The following PPARGC1B variants were observed in gnomAD, a reference collection of about 807,000 sequenced individuals.
PPARGC1B encodes the protein peroxisome proliferator-activated receptor gamma coactivator 1-beta.
Under a neutral mutation model 101.6 loss-of-function variants are expected in PPARGC1B, and 34 were observed. The ratio of observed to expected loss-of-function variants is 0.33; its 90% CI spans 0.25 to 0.45. The LOEUF (loss-of-function observed/expected upper bound fraction) is 0.45. PPARGC1B is among the 20% of genes least tolerant of loss of function. The pLI is 1.00. For missense variants in PPARGC1B, 1,234 were observed against 1,317.6 expected (o/e 0.94, Z 0.98); for synonymous variants, 548 against 539.3 (o/e 1.02, Z -0.22).
intron 1 of PPARGC1B, among the ~76,000 whole-genome samples, chr5:149,783,576 G>A (rs1347694982): frequency 2.0e-5 from 3 of 152,138 alleles, no homozygotes; most frequent in Non-Finnish European, 2.9e-5. Context: ...AGAAGGAATG[G>A]AGAGAAACTC....
At chr5:149,763,056 A>G (rs1349201991) in intron 1 of PPARGC1B, among the ~76,000 whole-genome samples, 1 of 152,136 alleles carries the variant, frequency 6.6e-6, no homozygotes, top group Non-Finnish European at 1.5e-5. Flanking sequence ...AAGTATTAGC[A>G]TTACGGGCAT....
chr5:149,807,644 GCCACC>G (rs1757651021), intron 1 of PPARGC1B, among the ~76,000 whole-genome samples: 1 of 152,110 alleles, frequency 6.6e-6, no homozygotes, highest in Non-Finnish European at 1.5e-5. Context: ...AAAGCTGAAT[GCCACC>G]CCCCATCCTG....
chr5:149,760,789 C>T (rs769553924), intron 1 of PPARGC1B, among the ~76,000 whole-genome samples: 8 of 152,136 alleles, frequency 5.3e-5, no homozygotes, highest in Non-Finnish European at 1.0e-4. Flanking sequence ...GGAATTTGCC[C>T]CAAGGTATAG....
chr5:149,758,234 A>AC (rs1755606033), intron 1 of PPARGC1B, among the ~76,000 whole-genome samples: 1 of 152,298 alleles, frequency 6.6e-6, no homozygotes, highest in East Asian at 1.9e-4. Context: ...GGCAAGTCTC[A>AC]CCACTCCCTT....
chr5:149,794,794 A>T (rs137944906), intron 1 of PPARGC1B, among the ~76,000 whole-genome samples: 42 of 152,346 alleles, frequency 2.8e-4, no homozygotes, highest in African/African-American at 9.9e-4. Context: ...GCTGCCTCTC[A>T]GCCCGCTGCT....
intron 1 of PPARGC1B, among the ~76,000 whole-genome samples, chr5:149,809,010 T>C (rs1320725079): frequency 1.3e-5 from 2 of 152,118 alleles, no homozygotes; most frequent in Non-Finnish European, 2.9e-5. Flanking sequence ...GCATGGTGGC[T>C]CATGCCTATA....
intron 1 of PPARGC1B, among the ~76,000 whole-genome samples, chr5:149,735,481 G>C (rs1310049312): frequency 6.6e-6 from 1 of 152,240 alleles, no homozygotes; most frequent in African/African-American, 2.4e-5. Context: ...GAATATTGCA[G>C]TGTTGATCCT....
intron 1 of PPARGC1B, among the ~76,000 whole-genome samples, chr5:149,734,345 A>T (rs995579463): frequency 1.4e-5 from 2 of 142,096 alleles, no homozygotes; most frequent in Non-Finnish European, 3.1e-5. Flanking sequence ...AAAAAAAAAA[A>T]GGAGTTATCC....
intron 3 of PPARGC1B, 30 bp from the exon 4 acceptor site, chr5:149,830,726 TGGCTCAGCCCC>T: frequency 6.8e-7 from 1 of 1,469,648 alleles, no homozygotes; most frequent in Non-Finnish European, 9.5e-7. Context: ...CCTCTGGCTG[TGGCTCAGCCCC>T]GGCTCCTGTC....
intron 1 of PPARGC1B, among the ~76,000 whole-genome samples, chr5:149,772,680 G>T (rs1460422178): frequency 6.6e-6 from 1 of 152,154 alleles, no homozygotes; most frequent in Non-Finnish European, 1.5e-5. Flanking sequence ...AGGGCCTATT[G>T]TCGTGACCTA....
Position 149,832,988 on chromosome 5 carries a change from C to T in PPARGC1B, c.915C>T (p.Pro305=), listed in dbSNP as rs750530995. The T allele has an allele frequency of 3.1e-6, 5 of 1,613,438 alleles. No homozygotes were observed. The highest frequency in any genetic ancestry group is 1.1e-5 in the South Asian group (1 of 91,082). Residue 305 remains proline (P), a synonymous_variant, in exon 5 of 12, where the codon CCC becomes CCT. Transcript: ENST00000309241. This position sits in a 1 kb window ranked among gnomAD's most constrained non-coding sequence, Gnocchi z 4.9. ...ACTGCCTCCCCCAGAGGAAGCTGCC[C>T]CCACAGACCCCTGAGCCACTCCCCA... ...HTYCLPQRKL[P]PQTPEPLPKA... is the part of the protein sequence containing the mutation.
intron 1 of PPARGC1B, among the ~76,000 whole-genome samples, chr5:149,739,722 G>C (rs1404092160): frequency 6.6e-6 from 1 of 152,150 alleles, no homozygotes; most frequent in South Asian, 2.1e-4. Context: ...CCTGGGGCAA[G>C]GTCTACCACC....
chr5:149,754,478 A>C (rs142143720), intron 1 of PPARGC1B, among the ~76,000 whole-genome samples: 156 of 152,318 alleles, frequency 1.0e-3, no homozygotes, highest in African/African-American at 3.6e-3. Flanking sequence ...AACAGCAGGG[A>C]TGTTGGATAG....
intron 1 of PPARGC1B, among the ~76,000 whole-genome samples, chr5:149,757,147 G>A (rs1240930231): frequency 6.6e-6 from 1 of 152,168 alleles, no homozygotes. Flanking sequence ...CGGTCCAGAC[G>A]CCTCTCTGCA....
In PPARGC1B at chr5:149,833,792, G is replaced by T; in HGVS notation, c.1705+14G>T. 6.8e-7 allele frequency: 1 copy of T among 1,481,260 alleles called. No homozygotes were observed. Among genetic ancestry groups the T allele is most frequent in the African/African-American group, 1.4e-5 (1 of 71,986 alleles). 91.8% of individuals were successfully genotyped at this position (1,481,260 alleles called of 1,614,324 possible). A position where few individuals can be genotyped will look rare whatever the true frequency, so the allele number is the denominator to read the frequency against. ...TCCCTCCCAGAGGTAGTCAGAGTTG[G>T]TGGTCTGCGAAGTGGGGGCAGGGAT... On this transcript the variant is annotated intron_variant, in intron 5 of 11. Coordinates refer to ENST00000309241, the MANE Select transcript of PPARGC1B (RefSeq NM_133263.4). This position sits in a 1 kb window ranked among gnomAD's most constrained non-coding sequence, Gnocchi z 4.1.
intron 1 of PPARGC1B, among the ~76,000 whole-genome samples, chr5:149,773,352 A>G (rs1342770991): frequency 6.6e-6 from 1 of 152,226 alleles, no homozygotes; most frequent in Non-Finnish European, 1.5e-5. Context: ...CCTGTCTGCC[A>G]TGTTTTGTGC....
At chr5:149,752,002 T>C (rs1351613878) in intron 1 of PPARGC1B, among the ~76,000 whole-genome samples, 1 of 152,160 alleles carries the variant, frequency 6.6e-6, no homozygotes, top group Admixed American at 6.5e-5. Flanking sequence ...TGAAAGCAAA[T>C]TGCCAATTGT....
At chr5:149,840,923 C>G (rs1188560563) in intron 9 of PPARGC1B, among the ~76,000 whole-genome samples, 52 of 152,302 alleles carry the variant, frequency 3.4e-4, no homozygotes, top group African/African-American at 1.3e-3. Flanking sequence ...GCACACAGGT[C>G]CTTAAAACCG....
intron 1 of PPARGC1B, among the ~76,000 whole-genome samples, chr5:149,741,001 C>T (rs899390795): frequency 2.0e-5 from 3 of 152,178 alleles, no homozygotes; most frequent in African/African-American, 7.2e-5. Flanking sequence ...GCCTTCAGGT[C>T]ACTCAGCAGA....
Sources: gnomAD v4.1 joint callset for allele counts (sites outside exome capture counted in the v4.1 genomes callset) on GRCh38, gnomAD v4.1.1 for gene constraint, Gnocchi (gnomAD v3.1) non-coding constraint, MANE v1.5 for transcripts, NCBI Gene and HGNC (gene_info 2026-07-23, HGNC 2026-07-21) for gene names.